Variants in GALNT17 observed in about 807,000 individuals in gnomAD.
GALNT17 encodes the protein polypeptide N-acetylgalactosaminyltransferase 17, also known as UDP-GalNAc:polypeptide N-acetylgalactosaminyltransferase-like 3.
Under a neutral mutation model 63.7 loss-of-function variants are expected in GALNT17, and 29 were observed. That is an observed-to-expected ratio of 0.46 (90% CI 0.34 to 0.62). The LOEUF (loss-of-function observed/expected upper bound fraction) is 0.62. GALNT17 is among the 20% of genes least tolerant of loss of function. The probability of loss-of-function intolerance (pLI) is 0.01; values close to 1 mark genes in which losing one functional copy is unlikely to be tolerated. For missense variants in GALNT17, 603 were observed against 799.6 expected (o/e 0.75, Z 2.97); for synonymous variants, 305 against 318.3 (o/e 0.96, Z 0.45).
chr7:71,309,724 G>C (rs1791379039), intron 1 of GALNT17, among the ~76,000 whole-genome samples: 1 of 152,164 alleles, frequency 6.6e-6, no homozygotes, highest in African/African-American at 2.4e-5. Flanking sequence ...TGGAGGGAGA[G>C]TGGGGATGAA....
intron 1 of GALNT17, chr7:71,284,588 C>T (rs1257206458): frequency 6.6e-6 from 1 of 152,016 alleles, no homozygotes; most frequent in African/African-American, 2.4e-5. Flanking sequence ...TTGCTTTTCC[C>T]TCCGCCATGA....
intron 1 of GALNT17, among the ~76,000 whole-genome samples, chr7:71,184,391 A>C (rs1303357545): frequency 6.6e-6 from 1 of 152,048 alleles, no homozygotes; most frequent in African/African-American, 2.4e-5. Flanking sequence ...GCTGGGGCCA[A>C]ATTACACTGG....
At chr7:71,482,756 C>T (rs1388150437) in intron 5 of GALNT17, among the ~76,000 whole-genome samples, 1 of 152,094 alleles carries the variant, frequency 6.6e-6, no homozygotes, top group Non-Finnish European at 1.5e-5. Flanking sequence ...TTGTGAAAGT[C>T]AGTTTTTCCA....
intron 2 of GALNT17, among the ~76,000 whole-genome samples, chr7:71,381,127 A>T (rs930616330): frequency 6.6e-6 from 1 of 151,544 alleles, no homozygotes; most frequent in African/African-American, 2.4e-5. Context: ...CGCCCAGCTG[A>T]TTTTTATATT....
intron 5 of GALNT17, among the ~76,000 whole-genome samples, chr7:71,439,346 C>A (rs1251846799): frequency 6.6e-6 from 1 of 152,208 alleles, no homozygotes; most frequent in Non-Finnish European, 1.5e-5. Flanking sequence ...GAAATACATG[C>A]TATTTCTTGA....
At chr7:71,504,626 GCATAGTTTACTTATTTA>G (rs1224617022) in intron 5 of GALNT17, among the ~76,000 whole-genome samples, 16 of 151,796 alleles carry the variant, frequency 1.1e-4, no homozygotes, top group African/African-American at 2.9e-4. Flanking sequence ...TACATATTTT[GCATAGTTTACTTATTTA>G]CATAGTTTAC....
At chr7:71,273,002 T>C (rs955821633) in intron 1 of GALNT17, among the ~76,000 whole-genome samples, 11 of 152,062 alleles carry the variant, frequency 7.2e-5, no homozygotes, top group Non-Finnish European at 1.5e-4. Flanking sequence ...GCTTTTGAGT[T>C]GCTGCCAGCT....
At chr7:71,259,727 C>T (rs1790352421) in intron 1 of GALNT17, among the ~76,000 whole-genome samples, 1 of 149,654 alleles carries the variant, frequency 6.7e-6, no homozygotes, top group Admixed American at 6.7e-5. Flanking sequence ...CTGCAAGCTC[C>T]GCCTCCCGGG....
intron 9 of GALNT17, among the ~76,000 whole-genome samples, chr7:71,697,568 C>T (rs1791563728): frequency 6.6e-6 from 1 of 152,084 alleles, no homozygotes; most frequent in African/African-American, 2.4e-5. Context: ...CAGTCGTAAA[C>T]TCAGAGAATA....
At chr7:71,265,173 C>G (rs1051287086) in intron 1 of GALNT17, among the ~76,000 whole-genome samples, 1 of 124,412 alleles carries the variant, frequency 8.0e-6, no homozygotes, top group Non-Finnish European at 1.6e-5. Context: ...GTCACTCAGT[C>G]TGGAGTGCAG....
chr7:71,212,848 C>T (rs973207203), intron 1 of GALNT17, among the ~76,000 whole-genome samples: 1 of 152,204 alleles, frequency 6.6e-6, no homozygotes, highest in Non-Finnish European at 1.5e-5. Flanking sequence ...TACCCAATAC[C>T]TGTACCCCCA....
chr7:71,278,063 G>A (rs924587928), intron 1 of GALNT17, among the ~76,000 whole-genome samples: 1 of 152,160 alleles, frequency 6.6e-6, no homozygotes, highest in Non-Finnish European at 1.5e-5. Flanking sequence ...CTTTTGATGT[G>A]TGCCCAGGAG....
chr7:71,237,528 A>AAG (rs1554342915), intron 1 of GALNT17, among the ~76,000 whole-genome samples: 1 of 151,188 alleles, frequency 6.6e-6, no homozygotes, highest in African/African-American at 2.4e-5. Context: ...AAAAAAAAAA[A>AAG]AAAAGAAAAA....
chr7:71,322,465 T>A (rs1180720713), intron 1 of GALNT17, among the ~76,000 whole-genome samples: 1 of 152,196 alleles, frequency 6.6e-6, no homozygotes, highest in Non-Finnish European at 1.5e-5. Context: ...CTACAAATGC[T>A]ACATGAGCAG....
chr7:71,712,275 T>C lies in GALNT17; in HGVS notation c.*129T>C. ...TGCTCGATGGGCCCCCCAGGGCTTC[T>C]CCAGGGCAGCACAGGGACCCCGGAT... On this transcript the variant is annotated 3_prime_UTR_variant, in exon 11 of 11. Transcript: ENST00000333538. The C allele has an allele frequency of 7.4e-7, 1 of 1,347,770 alleles. No homozygotes were observed. 83.5% of individuals were successfully genotyped at this position (1,347,770 alleles called of 1,614,324 possible).
At chr7:71,378,822 A>C (rs2116310040) in intron 2 of GALNT17, among the ~76,000 whole-genome samples, 1 of 150,512 alleles carries the variant, frequency 6.6e-6, no homozygotes, top group East Asian at 2.0e-4. Context: ...CATCTCTACA[A>C]AAAAAAAATA....
intron 2 of GALNT17, among the ~76,000 whole-genome samples, chr7:71,350,216 A>G (rs1003262749): frequency 2.0e-5 from 3 of 152,348 alleles, no homozygotes; most frequent in African/African-American, 7.2e-5. Flanking sequence ...CACAGGTACT[A>G]TGGGAGCTAT....
chr7:71,615,404 A>G (rs1790186471), intron 6 of GALNT17, among the ~76,000 whole-genome samples: 1 of 150,408 alleles, frequency 6.6e-6, no homozygotes, highest in South Asian at 2.1e-4. Context: ...TGGCTTTTCC[A>G]GCCTGTGCAG....
chr7:71,297,035 G>A (rs903730198), intron 1 of GALNT17, among the ~76,000 whole-genome samples: 2 of 152,210 alleles, frequency 1.3e-5, no homozygotes, highest in East Asian at 3.9e-4. Flanking sequence ...GGGATAAGGA[G>A]AAGGCTTTTC....
Sources: allele counts gnomAD v4.1 joint callset (sites outside exome capture counted in the v4.1 genomes callset), GRCh38; gene constraint gnomAD v4.1.1; transcripts MANE v1.5; gene names NCBI Gene and HGNC (gene_info 2026-07-23, HGNC 2026-07-21).